The following ACSL6 variants were observed in gnomAD, a reference collection of about 807,000 sequenced individuals.
The protein encoded by ACSL6 is acyl-CoA synthetase long chain family member 6.
A neutral mutation model predicts 98.2 loss-of-function variants in ACSL6; 47 were observed. The observed-to-expected ratio is 0.48, with a 90% CI of 0.38 to 0.61. The LOEUF (loss-of-function observed/expected upper bound fraction) is 0.61. Ranked by LOEUF, ACSL6 falls within the 20% of genes least tolerant of loss-of-function variation. The probability of loss-of-function intolerance (pLI) is 0.00; values close to 1 mark genes in which losing one functional copy is unlikely to be tolerated. For synonymous variants in ACSL6, 362 were observed against 336.9 expected, an observed-to-expected ratio of 1.07 and a Z score of -0.82; for missense variants, 761 against 913.4, an observed-to-expected ratio of 0.83 and a Z score of 2.15.
chr5:131,963,064 A>C (rs1460238344), intron 17 of ACSL6, among the ~76,000 whole-genome samples: 1 of 151,388 alleles, frequency 6.6e-6, no homozygotes, highest in Non-Finnish European at 1.5e-5. Flanking sequence ...CCTTTTTCTC[A>C]CCAGCATCTT....
rs1412389146 is a variant in ACSL6 at position 131,976,262 on chromosome 5, T to G, written c.990+386A>C. The stretch of plus-strand genomic sequence containing the variant: ...AGTCCTTAAACACAAAATGACTGAA[T>G]TAAACCCTGACCTTTGAAAAACAAG... On this transcript the variant is annotated intron_variant, in intron 10 of 20. Coordinates refer to ENST00000651883, the MANE Select transcript of ACSL6 (RefSeq NM_001009185.3). 4 of 977,492 alleles carry G rather than the reference T, an allele frequency of 4.1e-6. No homozygotes were observed. The African/African-American group carries it at 7.0e-5, about 17-fold the overall frequency. The allele number at this position is 977,492 out of a possible 1,614,324, so 60.6% of individuals were successfully genotyped here.
At chr5:131,988,659 C>T (rs1754331639) in intron 6 of ACSL6, 146 bp downstream of exon 6, 1 of 1,604,806 alleles carries the variant, frequency 6.2e-7, no homozygotes, top group African/African-American at 1.3e-5. Flanking sequence ...AGGAAGCCAA[C>T]TCAGGAGCCA....
At chr5:131,988,943 A>T in intron 5 of ACSL6, 39 bp from the exon 6 acceptor site, 1 of 1,580,242 alleles carries the variant, frequency 6.3e-7, no homozygotes, top group Non-Finnish European at 8.7e-7. Context: ...GAAGAAGGGG[A>T]GATTAGAGGG....
At chr5:131,970,081 C>T in intron 15 of ACSL6, 47 bp downstream of exon 15, 2 of 1,577,784 alleles carry the variant, frequency 1.3e-6, no homozygotes, top group Non-Finnish European at 1.7e-6. Flanking sequence ...GCTGCTTTTA[C>T]TCCACAGTGC....
intron 8 of ACSL6, 71 bp from the exon 9 acceptor site, chr5:131,985,529 T>A: frequency 6.5e-7 from 1 of 1,541,662 alleles, no homozygotes; most frequent in Non-Finnish European, 8.9e-7. Flanking sequence ...ATGCCTGGGC[T>A]CCCCAACCAG....
rs765750512 is a variant in ACSL6 at position 131,959,504 on chromosome 5, G to A, written c.2031+32C>T. 4.4e-6 allele frequency: 7 copies of A among 1,604,232 alleles called. No individual in the cohort carries two copies. The East Asian group carries it at 1.1e-4, about 26-fold the overall frequency. On this transcript the variant is annotated intron_variant, in intron 20 of 20. Transcript: ENST00000651883. ...TTTAATTTTCATCACTGCCTGAAGG[G>A]TTGTAACGAGTATGGGGAAGGTAAC...
chr5:131,964,853 T>C (rs1311192086), intron 17 of ACSL6, among the ~76,000 whole-genome samples: 1 of 152,220 alleles, frequency 6.6e-6, no homozygotes. Context: ...TATCACGCCC[T>C]GATTGTCCTT....
Position 131,950,552 on chromosome 5 carries a change from C to T in ACSL6, c.*3682G>A, listed in dbSNP as rs1021864620. ...GGAAATACAGCCAATTTATAGTTTA[C>T]CAATTTTATATACGGTTATTCATTC... On this transcript the variant is annotated 3_prime_UTR_variant, in exon 21 of 21. Coordinates refer to ENST00000651883, the MANE Select transcript of ACSL6 (RefSeq NM_001009185.3). The T allele has an allele frequency of 5.0e-6, 1 of 199,974 alleles. No homozygotes were observed. The highest frequency in any genetic ancestry group is 2.3e-5 in the African/African-American group (1 of 43,482). 12.4% of individuals were successfully genotyped at this position (199,974 alleles called of 1,614,324 possible).
chr5:131,986,722 T>C (rs948849856), intron 8 of ACSL6, 100 bp downstream of exon 8: 5 of 1,456,302 alleles, frequency 3.4e-6, no homozygotes, highest in Non-Finnish European at 3.9e-6. Context: ...GAGTTGCTTA[T>C]TAACACAGAG....
intron 10 of ACSL6, chr5:131,976,028 CA>C: frequency 4.1e-6 from 4 of 985,416 alleles, no homozygotes; most frequent in Non-Finnish European, 4.8e-6. Context: ...AAGAAAAAGC[CA>C]AACTTTTTTG....
chr5:131,964,630 GA>G (rs1752911750), intron 17 of ACSL6, among the ~76,000 whole-genome samples: 1 of 152,176 alleles, frequency 6.6e-6, no homozygotes, highest in Admixed American at 6.5e-5. Context: ...CCCTTTCTAA[GA>G]AAAACCAGGT....
intron 20 of ACSL6, among the ~76,000 whole-genome samples, chr5:131,957,154 T>G (rs1752453319): frequency 6.6e-6 from 1 of 151,824 alleles, no homozygotes. Context: ...AAACACAGAG[T>G]GAATAATTTA....
rs944138169 is a variant in ACSL6 at position 131,950,560 on chromosome 5, A to C, written c.*3674T>G. On this transcript the variant is annotated 3_prime_UTR_variant, in exon 21 of 21. Coordinates refer to ENST00000651883, the MANE Select transcript of ACSL6 (RefSeq NM_001009185.3). ...AGCCAATTTATAGTTTACCAATTTT[A>C]TATACGGTTATTCATTCTTTTTTTC... 2.0e-5 allele frequency: 4 copies of C among 198,836 alleles called. No homozygotes were observed. The highest frequency in any genetic ancestry group is 4.2e-5 in the Non-Finnish European group (4 of 96,328). The allele number at this position is 198,836 out of a possible 1,614,324, so 12.3% of individuals were successfully genotyped here.
chr5:131,971,847 G>A (rs1239431505), intron 13 of ACSL6, among the ~76,000 whole-genome samples: 1 of 152,168 alleles, frequency 6.6e-6, no homozygotes, highest in Non-Finnish European at 1.5e-5. Flanking sequence ...AATCAGCTCT[G>A]CAGCTCAATC....
chr5:131,993,412 C>T (rs1180967859), intron 2 of ACSL6: 1 of 155,304 alleles, frequency 6.4e-6, no homozygotes, highest in African/African-American at 2.4e-5. Context: ...TCAGTACATT[C>T]CATTTGTTTG....
rs1424551527 is a variant in ACSL6, at chr5:131,950,865, A to G, written c.*3369T>C. ...CCAATGGAAAGTTCTATTTTTTCTC[A>G]TACTTGTAGTTTTAACTACATGTAG... On this transcript the variant is annotated 3_prime_UTR_variant, in exon 21 of 21. Transcript: ENST00000651883. 5.3e-6 allele frequency: 1 copy of G among 188,676 alleles called. No homozygotes were observed. Among genetic ancestry groups the G allele is most frequent in the East Asian group, 8.5e-5 (1 of 11,752 alleles). 11.7% of individuals were successfully genotyped at this position (188,676 alleles called of 1,614,324 possible).
Position 131,972,864 on chromosome 5 carries a change from G to A in ACSL6, c.1204-6C>T. 1.2e-6 allele frequency: 2 copies of A among 1,614,110 alleles called. No individual in the cohort carries two copies. Among genetic ancestry groups the A allele is most frequent in the South Asian group, 1.1e-5 (1 of 91,078 alleles). Reference sequence around the variant, plus strand: ...GTGTTTGCCTGGCTGAAGATCTGAGGAACATAAGTTGGAAGCAGCTGTCAG... The same window carrying A: ...GTGTTTGCCTGGCTGAAGATCTGAGAAACATAAGTTGGAAGCAGCTGTCAG... On this transcript the variant is annotated splice_region_variant and splice_polypyrimidine_tract_variant and intron_variant, in intron 12 of 20. Coordinates refer to ENST00000651883, the MANE Select transcript of ACSL6 (RefSeq NM_001009185.3).
At position 131,971,734 on chromosome 5, in the gene ACSL6, A is replaced by G. The variant is rs1200658416; in HGVS notation, c.1339-89T>C. 2.7e-6 allele frequency: 3 copies of G among 1,127,144 alleles called. No individual in the cohort carries two copies. In the East Asian group the frequency reaches 7.8e-5, roughly 29 times the overall value. 69.8% of individuals were successfully genotyped at this position (1,127,144 alleles called of 1,614,324 possible). A position where few individuals can be genotyped will look rare whatever the true frequency, so the allele number is the denominator to read the frequency against. On this transcript the variant is annotated intron_variant, in intron 13 of 20. Coordinates refer to ENST00000651883, the MANE Select transcript of ACSL6 (RefSeq NM_001009185.3). ...GTTTCATCCAAGGTCAACATCCAAC[A>G]ACTGGGTCCTACCTGGATGCTAGGG...
At position 131,985,593 on chromosome 5, in the gene ACSL6, C is replaced by T. The variant is rs528898129; in HGVS notation, c.865-135G>A. The T allele has an allele frequency of 5.8e-5, 50 of 866,390 alleles. No individual in the cohort carries two copies. The African/African-American group carries it at 6.4e-4, about 11-fold the overall frequency. 53.7% of individuals were successfully genotyped at this position (866,390 alleles called of 1,614,324 possible). ...TGTGAGCATGTGTTGGGCACGCCTG[C>T]ATGCTCCTGTGTGCTGCGCTCAGAA... On this transcript the variant is annotated intron_variant, in intron 8 of 20. Transcript: ENST00000651883.
Sources: allele counts gnomAD v4.1 joint callset (sites outside exome capture counted in the v4.1 genomes callset), GRCh38; gene constraint gnomAD v4.1.1; transcripts MANE v1.5; gene names NCBI Gene and HGNC (gene_info 2026-07-23, HGNC 2026-07-21).